Variants in CAST observed in about 807,000 individuals in gnomAD.
The protein encoded by CAST is calpastatin, also known as MIR583 host.
In CAST, 76 loss-of-function variants were observed where a neutral mutation model predicts 119.6. The observed-to-expected ratio is 0.64, with a 90% CI of 0.53 to 0.77. The LOEUF (loss-of-function observed/expected upper bound fraction) is 0.77, where lower values mean the gene tolerates loss of function less well. Ranked by LOEUF, CAST falls within the 30% of genes least tolerant of loss-of-function variation. The pLI is 0.00. For missense variants in CAST, 953 were observed against 946.5 expected, an observed-to-expected ratio of 1.01 and a Z score of -0.09; for synonymous variants, 319 against 331.6, an observed-to-expected ratio of 0.96 and a Z score of 0.41.
At chr5:96,599,548 G>T (rs1043995309) in intron 1 of CAST, among the ~76,000 whole-genome samples, 2 of 152,086 alleles carry the variant, frequency 1.3e-5, no homozygotes, top group South Asian at 2.1e-4. Flanking sequence ...TCCTTCAGTT[G>T]CTTTGGGGGT....
At chr5:96,540,561 A>G (rs1256317050) in intron 1 of CAST, among the ~76,000 whole-genome samples, 5 of 152,346 alleles carry the variant, frequency 3.3e-5, no homozygotes, top group Admixed American at 1.3e-4. Flanking sequence ...AGGATAGTAC[A>G]TTTCTTAAAA....
At chr5:96,548,196 G>T (rs1396159341) in intron 1 of CAST, among the ~76,000 whole-genome samples, 7 of 152,160 alleles carry the variant, frequency 4.6e-5, no homozygotes, top group Non-Finnish European at 7.3e-5. Context: ...CTTGGAGAAA[G>T]ATTTACATTT....
In CAST at chr5:96,578,084, T is replaced by C. The variant is rs561689945; in HGVS notation, c.60+48204T>C. Among the ~76,000 whole-genome samples, 4 of 152,236 alleles carry C rather than the reference T, an allele frequency of 2.6e-5. No individual in the cohort carries two copies. In the South Asian group the frequency reaches 8.3e-4, roughly 32 times the overall value. On this transcript the variant is annotated intron_variant, in intron 1 of 11. Transcript: ENST00000505143. ...GTGTCTATTTCTCCTTTCAGTTCTATTGGTTCTTGCCATGTGTATTTTGAA... is the reference window on the plus strand; with the variant it reads ...GTGTCTATTTCTCCTTTCAGTTCTACTGGTTCTTGCCATGTGTATTTTGAA...
the CAST span, among the ~76,000 whole-genome samples, chr5:96,201,702 C>T: frequency 6.6e-6 from 1 of 151,936 alleles, no homozygotes; most frequent in African/African-American, 2.4e-5. Flanking sequence ...CAGGTCCCTG[C>T]TCCAATACCA....
chr5:96,461,597 G>T, the CAST span, among the ~76,000 whole-genome samples: 1 of 152,050 alleles, frequency 6.6e-6, no homozygotes, highest in East Asian at 1.9e-4. Context: ...ATGAAACCTC[G>T]AGAATGGCCT....
the CAST span, among the ~76,000 whole-genome samples, chr5:96,261,543 G>A: frequency 1.3e-5 from 2 of 152,206 alleles, no homozygotes; most frequent in African/African-American, 4.8e-5. Flanking sequence ...AGGATTTACA[G>A]TAAGTACTTG....
chr5:96,458,012 T>C, the CAST span, among the ~76,000 whole-genome samples: 2 of 152,246 alleles, frequency 1.3e-5, no homozygotes, highest in African/African-American at 4.8e-5. Flanking sequence ...GTCTTGCTGC[T>C]GTCTGACTTC....
chr5:96,757,346 C>A, intron 22 of CAST, 98 bp from the exon 23 acceptor site: 3 of 1,044,892 alleles, frequency 2.9e-6, no homozygotes, highest in Non-Finnish European at 4.5e-6. Flanking sequence ...TGTACAACAG[C>A]AAGTATAACC....
At chr5:96,474,795 CTA>C in the CAST span, among the ~76,000 whole-genome samples, 1 of 152,098 alleles carries the variant, frequency 6.6e-6, no homozygotes, top group African/African-American at 2.4e-5. Context: ...CCAAGGTACT[CTA>C]TGAGATACCG....
chr5:96,200,346 G>A, the CAST span, among the ~76,000 whole-genome samples: 8 of 152,258 alleles, frequency 5.3e-5, no homozygotes, highest in African/African-American at 1.9e-4. Flanking sequence ...CATTTAAGAT[G>A]ATGATTGCTC....
At chr5:96,347,521 T>C in the CAST span, among the ~76,000 whole-genome samples, 1 of 152,204 alleles carries the variant, frequency 6.6e-6, no homozygotes, top group Non-Finnish European at 1.5e-5. Flanking sequence ...GGTCTATCTG[T>C]AAATCAGACC....
At chr5:96,131,390 C>A in the CAST span, among the ~76,000 whole-genome samples, 34 of 151,656 alleles carry the variant, frequency 2.2e-4, no homozygotes, top group Non-Finnish European at 5.0e-4. Context: ...GAATGGAATG[C>A]AGCTGTAAAT....
the CAST span, among the ~76,000 whole-genome samples, chr5:96,072,225 G>C: frequency 6.6e-6 from 1 of 151,704 alleles, no homozygotes; most frequent in Non-Finnish European, 1.5e-5. Context: ...TATTGTTAAG[G>C]CCTGACCCTC....
chr5:96,555,239 C>T (rs763139851), intron 1 of CAST, among the ~76,000 whole-genome samples: 18 of 152,110 alleles, frequency 1.2e-4, no homozygotes, highest in African/African-American at 3.4e-4. Context: ...TGGATGAGTT[C>T]GGAGGGTGGA....
upstream of CAST, among the ~76,000 whole-genome samples, chr5:96,528,610 A>T (rs993867408): frequency 3.9e-5 from 6 of 152,224 alleles, no homozygotes; most frequent in Non-Finnish European, 8.8e-5. Flanking sequence ...CTTGGATGTG[A>T]TAAGACAAGA....
At chr5:96,208,609 G>T in the CAST span, among the ~76,000 whole-genome samples, 9 of 151,904 alleles carry the variant, frequency 5.9e-5, no homozygotes, top group African/African-American at 2.2e-4. Context: ...AGAGAAGACT[G>T]TTTAATTTCC....
chr5:96,278,431 G>A, the CAST span, among the ~76,000 whole-genome samples: 1 of 152,170 alleles, frequency 6.6e-6, no homozygotes, highest in Non-Finnish European at 1.5e-5. Flanking sequence ...GCAACTGAGA[G>A]ATGGGTGTAC....
At chr5:96,596,375 C>T (rs1747051430) in intron 1 of CAST, among the ~76,000 whole-genome samples, 1 of 152,146 alleles carries the variant, frequency 6.6e-6, no homozygotes, top group Non-Finnish European at 1.5e-5. Flanking sequence ...CTGAAAAAAG[C>T]AAGGAGACAG....
At chr5:96,634,010 G>A (rs1747855537) in intron 1 of CAST, among the ~76,000 whole-genome samples, 1 of 152,126 alleles carries the variant, frequency 6.6e-6, no homozygotes, top group Non-Finnish European at 1.5e-5. Flanking sequence ...GGAGAGAAGT[G>A]ATTTTTTTAT....
Sources: gnomAD v4.1 joint callset for allele counts (sites outside exome capture counted in the v4.1 genomes callset) on GRCh38, gnomAD v4.1.1 for gene constraint, MANE v1.5 for transcripts, NCBI Gene and HGNC (gene_info 2026-07-23, HGNC 2026-07-21) for gene names.